Variants in EP400 observed in about 807,000 individuals in gnomAD.
EP400 encodes the protein E1A-binding protein p400.
EP400 carries 105 observed loss-of-function variants against 354.1 expected under a neutral mutation model. The observed-to-expected ratio is 0.30, with a 90% CI of 0.25 to 0.35. The LOEUF (loss-of-function observed/expected upper bound fraction) is 0.35. Among genes scored for constraint, EP400 ranks in the 10% least tolerant of loss-of-function variants. The pLI is 1.00. For synonymous variants in EP400, 1,646 were observed against 1,716.9 expected (o/e 0.96, Z 1.02); for missense variants, 3,280 against 4,121.0 (o/e 0.80, Z 5.59).
Position 132,017,580 on chromosome 12 carries a change from C to A in EP400, c.3969C>A (p.Ser1323Arg). The A allele has an allele frequency of 6.2e-7, 1 of 1,613,988 alleles. No homozygotes were observed. The change falls in exon 20 of 53, where the codon AGC becomes AGA. Residue 1323 changes from serine (S) to arginine (R), a missense_variant. By Grantham distance (110) the Ser-to-Arg change is moderately radical. Around this residue, in one of 20 missense-constraint regions of EP400, gnomAD observed 242 missense variants for 357.9 expected, o/e 0.68. Coordinates refer to ENST00000389561, the MANE Select transcript of EP400 (RefSeq NM_015409.5). The surrounding 1 kb of genome is among the most constrained non-coding windows in gnomAD (Gnocchi z 5.0). ...GCGGGCACTTTGTCAACGTCCTGAGCATCCTTGTGCGGCTGCAGCGCATCT... is the reference window on the plus strand; with the variant it reads ...GCGGGCACTTTGTCAACGTCCTGAGAATCCTTGTGCGGCTGCAGCGCATCT... Reference protein sequence around the residue: ...LKSGHFVNVLSILVRLQRICN... With the variant: ...LKSGHFVNVLRILVRLQRICN...
rs768202311 is a variant in EP400, at chr12:132,076,503, T to G, written c.9022-13T>G. 1.2e-6 allele frequency: 2 copies of G among 1,614,062 alleles called. No individual in the cohort carries two copies. Among genetic ancestry groups the G allele is most frequent in the African/African-American group, 2.7e-5 (2 of 75,058 alleles). Reference sequence around the variant, plus strand: ...TTTGAATTGTATGTTTGGCTTTTTTTGTTTTGTCAAAGGTTGCAAAACTTC... The same window carrying G: ...TTTGAATTGTATGTTTGGCTTTTTTGGTTTTGTCAAAGGTTGCAAAACTTC... On this transcript the variant is annotated splice_polypyrimidine_tract_variant and intron_variant, in intron 51 of 52. Transcript: ENST00000389561.
At chr12:132,007,832 C>T (rs1179385624) in intron 15 of EP400, among the ~76,000 whole-genome samples, 2 of 152,174 alleles carry the variant, frequency 1.3e-5, no homozygotes, top group Non-Finnish European at 2.9e-5. Context: ...CCCATGGGTG[C>T]TCTGACTGAA....
chr12:131,973,750 A>C (rs1892375750), intron 2 of EP400, among the ~76,000 whole-genome samples: 1 of 152,158 alleles, frequency 6.6e-6, no homozygotes, highest in Admixed American at 6.5e-5. Flanking sequence ...ATAAATCCAG[A>C]GTGCTCAGCA....
intron 15 of EP400, among the ~76,000 whole-genome samples, chr12:132,009,830 A>ATTTTT (rs35513772): frequency 2.0e-4 from 16 of 79,708 alleles, no homozygotes; most frequent in Middle Eastern, 8.3e-3. Flanking sequence ...CGCCTGGCTA[A>ATTTTT]TTTTTTTTTT....
At chr12:132,022,322 G>C (rs1894146287) in intron 23 of EP400, among the ~76,000 whole-genome samples, 1 of 152,204 alleles carries the variant, frequency 6.6e-6, no homozygotes, top group African/African-American at 2.4e-5. Flanking sequence ...CCTGTGTATG[G>C]AACAAGGAGG....
At chr12:131,959,534 G>A (rs1003812894) in intron 1 of EP400, among the ~76,000 whole-genome samples, 2 of 152,074 alleles carry the variant, frequency 1.3e-5, no homozygotes, top group Non-Finnish European at 2.9e-5. Context: ...TTCCTCAGTG[G>A]CCCCTTCTGC....
At chr12:132,046,879 C>T (rs1024284514) in intron 39 of EP400, among the ~76,000 whole-genome samples, 6 of 152,244 alleles carry the variant, frequency 3.9e-5, no homozygotes, top group Admixed American at 6.5e-5. Flanking sequence ...TTCCAGGGCA[C>T]GTGCCATGCT....
intron 2 of EP400, among the ~76,000 whole-genome samples, chr12:131,964,842 C>T (rs774517710): frequency 9.9e-5 from 15 of 152,198 alleles, no homozygotes; most frequent in Non-Finnish European, 8.8e-5. Context: ...TACAATAATA[C>T]ATTCTAATCC....
At chr12:132,047,348 A>T (rs1182326235) in intron 39 of EP400, among the ~76,000 whole-genome samples, 1 of 152,202 alleles carries the variant, frequency 6.6e-6, no homozygotes, top group African/African-American at 2.4e-5. Context: ...AAGCTAAAAT[A>T]TTGTATTGGG....
chr12:131,982,673 A>G (rs1287465569), intron 5 of EP400, among the ~76,000 whole-genome samples, 195 bp downstream of exon 5: 2 of 152,172 alleles, frequency 1.3e-5, no homozygotes, highest in Non-Finnish European at 2.9e-5. Flanking sequence ...ATCTTTATTA[A>G]AGTAATAGAG....
At chr12:131,975,444 G>A (rs1321565214) in intron 2 of EP400, among the ~76,000 whole-genome samples, 2 of 152,186 alleles carry the variant, frequency 1.3e-5, no homozygotes, top group Admixed American at 6.5e-5. Context: ...TTACGCCAGC[G>A]CTGCACTGCA....
chr12:132,075,522 C>A lies in EP400; in HGVS notation c.9022-994C>A, dbSNP rs1896207633. ...GACCATTGTGGTCTTGAGATGGGCC[C>A]TGGAGCACCGGCTGCATCTTTGTTT... is the stretch of plus-strand genomic sequence containing the variant. On this transcript the variant is annotated intron_variant, in intron 51 of 52. Coordinates refer to ENST00000389561, the MANE Select transcript of EP400 (RefSeq NM_015409.5). This position sits in a 1 kb window ranked among gnomAD's most constrained non-coding sequence, Gnocchi z 4.5. Among the ~76,000 whole-genome samples the A allele has an allele frequency of 6.6e-6, 1 of 152,162 alleles. No homozygotes were observed. Among genetic ancestry groups the A allele is most frequent in the Non-Finnish European group, 1.5e-5 (1 of 68,018 alleles).
At chr12:131,989,633 C>T (rs879042421) in intron 7 of EP400, among the ~76,000 whole-genome samples, 1 of 151,926 alleles carries the variant, frequency 6.6e-6, no homozygotes, top group Non-Finnish European at 1.5e-5. Context: ...AATGAGATGC[C>T]GACCCATGTT....
At chr12:131,959,864 G>A (rs958461730) in intron 1 of EP400, among the ~76,000 whole-genome samples, 4 of 152,236 alleles carry the variant, frequency 2.6e-5, no homozygotes, top group African/African-American at 9.6e-5. Flanking sequence ...ACCCGTGTCT[G>A]TCTCTACTCT....
At chr12:131,966,919 A>AC (rs1892115899) in intron 2 of EP400, among the ~76,000 whole-genome samples, 2 of 149,478 alleles carry the variant, frequency 1.3e-5, no homozygotes, top group African/African-American at 2.5e-5. Flanking sequence ...AAAAAAAAAA[A>AC]AAAAAACCTA....
At chr12:131,974,735 A>G (rs1593318562) in intron 2 of EP400, among the ~76,000 whole-genome samples, 1 of 152,144 alleles carries the variant, frequency 6.6e-6, no homozygotes, top group East Asian at 1.9e-4. Flanking sequence ...ATCTTCTGTA[A>G]TCCCAGCACT....
chr12:132,048,539 T>TC (rs71076409), intron 39 of EP400, among the ~76,000 whole-genome samples: 6 of 151,004 alleles, frequency 4.0e-5, no homozygotes, highest in African/African-American at 7.3e-5. Flanking sequence ...TTTTTTTTTT[T>TC]AGACGGGAAT....
intron 39 of EP400, among the ~76,000 whole-genome samples, chr12:132,046,413 C>T (rs1327327402): frequency 6.6e-6 from 1 of 152,162 alleles, no homozygotes; most frequent in Non-Finnish European, 1.5e-5. Context: ...TAAGCTGTCT[C>T]GCTTTGTTTT....
chr12:132,036,462 G>A (rs1036474869), intron 30 of EP400, among the ~76,000 whole-genome samples: 10 of 152,234 alleles, frequency 6.6e-5, no homozygotes, highest in Admixed American at 2.0e-4. Context: ...AGGTTCACAC[G>A]GAACGTCGTG....
Sources: gnomAD v4.1 joint callset for allele counts (sites outside exome capture counted in the v4.1 genomes callset) on GRCh38, gnomAD v4.1.1 for gene constraint, gnomAD v4.1.1 regional missense constraint, Gnocchi (gnomAD v3.1) non-coding constraint, MANE v1.5 for transcripts, NCBI Gene and HGNC (gene_info 2026-07-23, HGNC 2026-07-21) for gene names.